The following ST8SIA6 variants were observed in gnomAD, a reference collection of about 807,000 sequenced individuals.
ST8SIA6 encodes alpha-2,8-sialyltransferase 8F.
Under a neutral mutation model 33.6 loss-of-function variants are expected in ST8SIA6, and 39 were observed. The observed-to-expected ratio is 1.16, with a 90% CI of 0.90 to 1.52. The LOEUF (loss-of-function observed/expected upper bound fraction) is 1.52, where lower values mean the gene tolerates loss of function less well. Ranked by LOEUF, ST8SIA6 falls within the 40% of genes most tolerant of loss-of-function variation. ST8SIA6 has a pLI of 0.00. For missense variants in ST8SIA6, 441 were observed against 443.8 expected, an observed-to-expected ratio of 0.99 and a Z score of 0.06; for synonymous variants, 172 against 167.2, an observed-to-expected ratio of 1.03 and a Z score of -0.22.
chr10:17,330,294 A>G (rs571893637), intron 5 of ST8SIA6, among the ~76,000 whole-genome samples: 1 of 152,332 alleles, frequency 6.6e-6, no homozygotes, highest in East Asian at 1.9e-4. Flanking sequence ...AACATGGCAG[A>G]CACTGGCAAA....
chr10:17,385,417 TTG>T (rs1286090068), intron 3 of ST8SIA6, among the ~76,000 whole-genome samples: 1 of 152,262 alleles, frequency 6.6e-6, no homozygotes, highest in African/African-American at 2.4e-5. Flanking sequence ...CAAACAGGCT[TTG>T]TGTGAGCAAT....
chr10:17,447,245 T>G (rs1014039276), intron 2 of ST8SIA6, among the ~76,000 whole-genome samples: 2 of 150,922 alleles, frequency 1.3e-5, no homozygotes, highest in African/African-American at 4.9e-5. Flanking sequence ...GTAAACCCTA[T>G]CTTTATAAAA....
intron 6 of ST8SIA6, 84 bp from the exon 7 acceptor site, chr10:17,323,241 A>G: frequency 1.3e-6 from 1 of 792,764 alleles, no homozygotes; most frequent in Non-Finnish European, 2.1e-6. Flanking sequence ...ACACACACAC[A>G]CACACACACC....
At chr10:17,334,872 A>AT (rs1848455580) in intron 4 of ST8SIA6, among the ~76,000 whole-genome samples, 1 of 152,190 alleles carries the variant, frequency 6.6e-6, no homozygotes, top group Non-Finnish European at 1.5e-5. Flanking sequence ...ACCACTTAGA[A>AT]TTCATATTTC....
intron 2 of ST8SIA6, chr10:17,409,249 G>C (rs766576737): frequency 6.6e-6 from 1 of 152,588 alleles, no homozygotes; most frequent in Non-Finnish European, 1.5e-5. Flanking sequence ...TCATCTAAGA[G>C]TGAAGATTCT....
chr10:17,359,863 A>G (rs1270002642), intron 3 of ST8SIA6, among the ~76,000 whole-genome samples: 2 of 152,114 alleles, frequency 1.3e-5, no homozygotes, highest in Non-Finnish European at 2.9e-5. Context: ...ACCAACTTGC[A>G]TATGTATCTA....
chr10:17,436,891 C>A (rs1420823680), intron 2 of ST8SIA6, among the ~76,000 whole-genome samples: 2 of 152,054 alleles, frequency 1.3e-5, no homozygotes, highest in Admixed American at 6.6e-5. Context: ...GTGAGATATG[C>A]CTTTTACCTT....
intron 3 of ST8SIA6, among the ~76,000 whole-genome samples, chr10:17,378,142 GAGA>G (rs1223064512): frequency 6.6e-5 from 10 of 152,182 alleles, no homozygotes; most frequent in Non-Finnish European, 1.0e-4. Flanking sequence ...CAAAACAACA[GAGA>G]AGGAGTGAGA....
intron 7 of ST8SIA6, 107 bp downstream of exon 7, chr10:17,322,958 C>T (rs1259071813): frequency 3.0e-6 from 3 of 989,052 alleles, no homozygotes; most frequent in African/African-American, 3.3e-5. Context: ...ACTCATTCCA[C>T]CTGTACTGCA....
chr10:17,414,044 T>C (rs1338955396), intron 2 of ST8SIA6, among the ~76,000 whole-genome samples: 1 of 152,218 alleles, frequency 6.6e-6, no homozygotes, highest in African/African-American at 2.4e-5. Flanking sequence ...CCTATCTTCA[T>C]ACACGCCTCC....
At chr10:17,333,710 T>TATATAGATATATATATATAG (rs1452696429) in intron 4 of ST8SIA6, among the ~76,000 whole-genome samples, 1 of 35,108 alleles carries the variant, frequency 2.8e-5, no homozygotes, top group African/African-American at 1.1e-4. Flanking sequence ...TATATATATA[T>TATATAGATATATATATATAG]ATATATATTT....
chr10:17,337,555 T>C (rs191790994), intron 4 of ST8SIA6, among the ~76,000 whole-genome samples: 28 of 152,328 alleles, frequency 1.8e-4, no homozygotes, highest in Admixed American at 1.5e-3. Context: ...CCAGCTTTTG[T>C]GTGCGGTGGC....
chr10:17,366,798 G>A (rs1456876848), intron 3 of ST8SIA6, among the ~76,000 whole-genome samples: 2 of 152,082 alleles, frequency 1.3e-5, no homozygotes, highest in Non-Finnish European at 2.9e-5. Context: ...ATCCATGGGA[G>A]TAAATCCCCC....
rs568397541 is a variant in ST8SIA6 at position 17,320,801 on chromosome 10, C to T, written c.*77G>A. Reference sequence around the variant, plus strand: ...CTCATCTCAAAATACTCTTTAGCCACCTCCTTTGGTGTTTGGAGACATTGT... The same window carrying T: ...CTCATCTCAAAATACTCTTTAGCCATCTCCTTTGGTGTTTGGAGACATTGT... On this transcript the variant is annotated 3_prime_UTR_variant, in exon 8 of 8. Transcript: ENST00000377602. 2 of 1,482,532 alleles carry T rather than the reference C, an allele frequency of 1.3e-6. No homozygotes were observed. The highest frequency in any genetic ancestry group is 2.3e-5 in the East Asian group (1 of 43,946). The allele number at this position is 1,482,532 out of a possible 1,614,324, so 91.8% of individuals were successfully genotyped here. A position where few individuals can be genotyped will look rare whatever the true frequency, so the allele number is the denominator to read the frequency against.
chr10:17,445,299 A>G (rs539220190), intron 2 of ST8SIA6, among the ~76,000 whole-genome samples: 135 of 152,334 alleles, frequency 8.9e-4, no homozygotes, highest in African/African-American at 3.1e-3. Context: ...GACTATTTAC[A>G]TTCTTACGAA....
chr10:17,418,010 T>A (rs1390328659), intron 2 of ST8SIA6, among the ~76,000 whole-genome samples: 1 of 152,016 alleles, frequency 6.6e-6, no homozygotes, highest in Middle Eastern at 3.2e-3. Flanking sequence ...CAAACTTGAG[T>A]TTGGGAGAGG....
intron 4 of ST8SIA6, among the ~76,000 whole-genome samples, chr10:17,334,680 T>G (rs80119905): frequency 0.026 from 3,934 of 152,138 alleles, 69 homozygotes; most frequent in African/African-American, 0.047. Flanking sequence ...CAGTGAATTT[T>G]TAAGTGGGGT....
At chr10:17,425,284 T>C (rs1467087665) in intron 2 of ST8SIA6, among the ~76,000 whole-genome samples, 1 of 152,078 alleles carries the variant, frequency 6.6e-6, no homozygotes, top group African/African-American at 2.4e-5. Context: ...GACTGAAATA[T>C]AAGCCAGGCA....
intron 5 of ST8SIA6, among the ~76,000 whole-genome samples, chr10:17,330,903 G>T (rs1395857626): frequency 6.6e-6 from 1 of 152,122 alleles, no homozygotes; most frequent in Non-Finnish European, 1.5e-5. Flanking sequence ...TATATGTACT[G>T]GGAAATGTTC....
Sources: allele counts gnomAD v4.1 joint callset (sites outside exome capture counted in the v4.1 genomes callset), GRCh38; gene constraint gnomAD v4.1.1; transcripts MANE v1.5; gene names NCBI Gene and HGNC (gene_info 2026-07-23, HGNC 2026-07-21).